Variants in WDR41 observed in about 807,000 individuals in gnomAD.
WDR41 encodes the protein WD repeat-containing protein 41.
WDR41 carries 63 observed loss-of-function variants against 69.3 expected under a neutral mutation model. The observed-to-expected ratio is 0.91, with a 90% CI of 0.74 to 1.12. WDR41 has a LOEUF of 1.12. Among genes scored for constraint, WDR41 ranks in the 50% most tolerant of loss-of-function variants. The pLI is 0.00. For synonymous variants in WDR41, 185 were observed against 192.1 expected (o/e 0.96, Z 0.31); for missense variants, 543 against 534.5 (o/e 1.02, Z -0.16).
intron 2 of WDR41, among the ~76,000 whole-genome samples, chr5:77,482,677 G>C (rs971544944): frequency 2.0e-5 from 3 of 151,940 alleles, no homozygotes; most frequent in Non-Finnish European, 2.9e-5. Context: ...ATAATTTCTG[G>C]CTATCTTGTG....
intron 1 of WDR41, among the ~76,000 whole-genome samples, chr5:77,528,922 T>C (rs1311440615): frequency 6.6e-6 from 1 of 151,636 alleles, no homozygotes; most frequent in African/African-American, 2.4e-5. Context: ...TAAAAACCTA[T>C]AGCATTATAC....
At chr5:77,616,312 C>T (rs1744680592) in intron 1 of WDR41, among the ~76,000 whole-genome samples, 2 of 152,156 alleles carry the variant, frequency 1.3e-5, no homozygotes, top group South Asian at 4.1e-4. Flanking sequence ...TATTTAAGCC[C>T]TTTCAACAGC....
intron 5 of WDR41, among the ~76,000 whole-genome samples, chr5:77,457,215 C>T (rs1221553394): frequency 6.6e-6 from 1 of 152,048 alleles, no homozygotes; most frequent in Non-Finnish European, 1.5e-5. Context: ...GATGAATTTT[C>T]AGATGTTAAA....
At position 77,580,072 on chromosome 5, in the gene WDR41, T is replaced by TGATA. The variant is rs144055099; in HGVS notation, c.42+40403_42+40406dup. ...GAATAGAGCTATATAAGAGTAACAT[T>TGATA]GATAGATAGATAGATTAGATAGATA... On this transcript the variant is annotated intron_variant, in intron 1 of 5. Coordinates refer to the WDR41 transcript ENST00000509971. Among the ~76,000 whole-genome samples, 4 of 152,010 alleles carry TGATA rather than the reference T, an allele frequency of 2.6e-5. No homozygotes were observed. The South Asian group carries it at 6.2e-4, about 24-fold the overall frequency.
At chr5:77,458,691 G>A (rs924090511) in intron 5 of WDR41, among the ~76,000 whole-genome samples, 5 of 152,104 alleles carry the variant, frequency 3.3e-5, no homozygotes, top group African/African-American at 1.2e-4. Context: ...CCTTAGAGAA[G>A]GCAAAGGTCA....
Position 77,585,352 on chromosome 5 carries a change from G to A in WDR41, c.42+35127C>T, listed in dbSNP as rs1744019646. On this transcript the variant is annotated intron_variant, in intron 1 of 5. Transcript: ENST00000509971. ...ATGTTGGCATGAATGTGGTGAACAG[G>A]GAACACTTCTACACTGCTGGTGGGA... is the stretch of plus-strand genomic sequence containing the variant. Among the ~76,000 whole-genome samples, 3 of 152,092 alleles carry A rather than the reference G, an allele frequency of 2.0e-5. No homozygotes were observed. The South Asian group carries it at 6.2e-4, about 32-fold the overall frequency.
chr5:77,476,707 T>C (rs7722137), intron 2 of WDR41, among the ~76,000 whole-genome samples: 90,512 of 149,538 alleles, frequency 0.61, 29,109 homozygotes, highest in African/African-American at 0.83. Flanking sequence ...CAGTACCAGC[T>C]GCTGCAAAAT....
chr5:77,562,930 A>C (rs1222713555), intron 1 of WDR41, among the ~76,000 whole-genome samples: 1 of 152,130 alleles, frequency 6.6e-6, no homozygotes, highest in Non-Finnish European at 1.5e-5. Context: ...ATCTTCCGTG[A>C]AATTCTACAA....
intron 1 of WDR41, among the ~76,000 whole-genome samples, chr5:77,510,282 C>T (rs1802178745): frequency 6.6e-6 from 1 of 152,116 alleles, no homozygotes. Context: ...TCTCGTGAGA[C>T]CCATTCACTC....
In WDR41 at chr5:77,431,113, G is replaced by C. The variant is rs1437300747; in HGVS notation, c.*2022C>G. 2.6e-5 allele frequency: 4 copies of C among 152,192 alleles called. No homozygotes were observed. Among genetic ancestry groups the C allele is most frequent in the Non-Finnish European group, 4.4e-5 (3 of 68,022 alleles). 9.4% of individuals were successfully genotyped at this position (152,192 alleles called of 1,614,324 possible). On this transcript the variant is annotated 3_prime_UTR_variant, in exon 13 of 13. Coordinates refer to ENST00000296679, the MANE Select transcript of WDR41 (RefSeq NM_018268.4). The stretch of plus-strand genomic sequence containing the variant: ...AGTTCATAAAGGAGCATCAGGATTT[G>C]AGATGACAGACTCTAAATTTTGAAA...
chr5:77,558,144 C>A (rs74924352), intron 1 of WDR41, among the ~76,000 whole-genome samples: 1 of 140,748 alleles, frequency 7.1e-6, no homozygotes, highest in Middle Eastern at 4.0e-3. Flanking sequence ...TGTAGGTAAT[C>A]GTTAAAATGC....
At chr5:77,572,297 G>A (rs1380494631) in intron 1 of WDR41, among the ~76,000 whole-genome samples, 1 of 152,160 alleles carries the variant, frequency 6.6e-6, no homozygotes, top group Non-Finnish European at 1.5e-5. Flanking sequence ...AGCAGGAAGT[G>A]GCAATGCTGA....
At chr5:77,488,034 T>G (rs1007027006) in intron 2 of WDR41, among the ~76,000 whole-genome samples, 2 of 152,196 alleles carry the variant, frequency 1.3e-5, no homozygotes, top group Non-Finnish European at 2.9e-5. Flanking sequence ...AATTTGTATC[T>G]TTTATAATAA....
At chr5:77,456,146 T>G (rs1799824814) in intron 5 of WDR41, among the ~76,000 whole-genome samples, 1 of 152,170 alleles carries the variant, frequency 6.6e-6, no homozygotes, top group Admixed American at 6.5e-5. Context: ...CAATGTTTTG[T>G]AGTTTTTGGT....
At chr5:77,501,574 C>T (rs1417156283) in intron 1 of WDR41, among the ~76,000 whole-genome samples, 2 of 152,202 alleles carry the variant, frequency 1.3e-5, no homozygotes, top group African/African-American at 2.4e-5. Context: ...ACTGTCTCCT[C>T]AAGTGGGTCC....
At chr5:77,519,002 T>C (rs1802333514) in intron 1 of WDR41, among the ~76,000 whole-genome samples, 1 of 152,204 alleles carries the variant, frequency 6.6e-6, no homozygotes, top group Non-Finnish European at 1.5e-5. Context: ...AAAAACACTT[T>C]CAAGGTCTTT....
At chr5:77,540,250 C>A (rs1743063446) in intron 1 of WDR41, among the ~76,000 whole-genome samples, 2 of 152,184 alleles carry the variant, frequency 1.3e-5, no homozygotes, top group Non-Finnish European at 2.9e-5. Flanking sequence ...CATATCACAG[C>A]ATATGCAATA....
intron 7 of WDR41, 151 bp from the exon 8 acceptor site, chr5:77,450,021 A>C: frequency 1.6e-6 from 1 of 612,468 alleles, no homozygotes; most frequent in Admixed American, 3.0e-5. Flanking sequence ...ATACTACTTT[A>C]AACTATTTCT....
intron 1 of WDR41, among the ~76,000 whole-genome samples, chr5:77,609,035 C>A (rs947313665): frequency 1.3e-5 from 2 of 152,136 alleles, no homozygotes; most frequent in Non-Finnish European, 2.9e-5. Context: ...CCTATGCCCA[C>A]GGAGTCTCGC....
Sources: gnomAD v4.1 joint callset for allele counts (sites outside exome capture counted in the v4.1 genomes callset) on GRCh38, gnomAD v4.1.1 for gene constraint, MANE v1.5 for transcripts, NCBI Gene and HGNC (gene_info 2026-07-23, HGNC 2026-07-21) for gene names.